The following SYT7 variants were observed in gnomAD, a reference collection of about 807,000 sequenced individuals.
The protein encoded by SYT7 is synaptotagmin 7, also known as synaptotagmin-7.
SYT7 carries 29 observed loss-of-function variants against 75.1 expected under a neutral mutation model. The observed-to-expected ratio is 0.39, with a 90% CI of 0.29 to 0.53. SYT7 has a LOEUF of 0.53. SYT7 is among the 20% of genes least tolerant of loss of function. The pLI, the probability that SYT7 is intolerant of heterozygous loss-of-function variation, is 0.77. For synonymous variants in SYT7, 376 were observed against 401.7 expected, an observed-to-expected ratio of 0.94 and a Z score of 0.76; for missense variants, 693 against 953.2, an observed-to-expected ratio of 0.73 and a Z score of 3.59.
intron 12 of SYT7, among the ~76,000 whole-genome samples, chr11:61,520,415 AC>A (rs1476469229): frequency 2.0e-5 from 3 of 152,022 alleles, no homozygotes; most frequent in Non-Finnish European, 4.4e-5. Context: ...AGTCCCAGCC[AC>A]TTGGGGACTG....
At chr11:61,586,705 C>A in the SYT7 span, among the ~76,000 whole-genome samples, 1 of 152,174 alleles carries the variant, frequency 6.6e-6, no homozygotes, top group Non-Finnish European at 1.5e-5. Context: ...CAGAAGCCTG[C>A]AAGACTGCTT....
rs2064239795 is a variant in SYT7, at chr11:61,580,766, C to A, written c.31+24G>T. 2 of 1,249,154 alleles carry A rather than the reference C, an allele frequency of 1.6e-6. No individual in the cohort carries two copies. Among genetic ancestry groups the A allele is most frequent in the African/African-American group, 1.6e-5 (1 of 63,774 alleles). 77.4% of individuals were successfully genotyped at this position (1,249,154 alleles called of 1,614,324 possible). On this transcript the variant is annotated intron_variant, in intron 1 of 12. Coordinates refer to ENST00000539008, the MANE Select transcript of SYT7 (RefSeq NM_001365809.2). This position sits in a 1 kb window ranked among gnomAD's most constrained non-coding sequence, Gnocchi z 6.1. ...GTCCTGCCCGCCGGTGCGGGGCGCC[C>A]CAGCCCGCCGGGGCCGCGCTTACCT...
At chr11:61,521,693 CCCCTTT>C (rs2062340114) in intron 12 of SYT7, among the ~76,000 whole-genome samples, 1 of 152,166 alleles carries the variant, frequency 6.6e-6, no homozygotes, top group Non-Finnish European at 1.5e-5. Flanking sequence ...GTATCCAGTC[CCCCTTT>C]CCCTTTCCCC....
chr11:61,565,691 T>C (rs535823274), intron 1 of SYT7, among the ~76,000 whole-genome samples: 1 of 152,352 alleles, frequency 6.6e-6, no homozygotes, highest in South Asian at 2.1e-4. Context: ...CTCCGGACAT[T>C]CTCTGAGTGT....
chr11:61,575,237 T>C (rs2064039056), intron 1 of SYT7, among the ~76,000 whole-genome samples: 1 of 152,108 alleles, frequency 6.6e-6, no homozygotes, highest in Non-Finnish European at 1.5e-5. Context: ...CAGTCAGCCA[T>C]GGAAGCCACC....
intron 9 of SYT7, 26 bp downstream of exon 9, chr11:61,527,889 G>T (rs1371309420): frequency 6.2e-7 from 1 of 1,610,230 alleles, no homozygotes; most frequent in African/African-American, 1.3e-5. Context: ...GGTGACCATG[G>T]CGGGGGAAGG....
intron 7 of SYT7, among the ~76,000 whole-genome samples, chr11:61,536,611 A>G (rs2135188585): frequency 6.6e-6 from 1 of 152,272 alleles, no homozygotes; most frequent in African/African-American, 2.4e-5. Context: ...ACCCCTGCAC[A>G]TGGGCTCAGC....
intron 1 of SYT7, among the ~76,000 whole-genome samples, chr11:61,571,918 G>C (rs985023298): frequency 3.3e-5 from 5 of 152,164 alleles, no homozygotes; most frequent in African/African-American, 9.7e-5. Context: ...TCCTGAGCAG[G>C]ACTGTGTTGC....
At chr11:61,531,659 C>T (rs961931100) in intron 8 of SYT7, among the ~76,000 whole-genome samples, 4 of 151,694 alleles carry the variant, frequency 2.6e-5, no homozygotes, top group African/African-American at 4.8e-5. Context: ...TTTGGGAGGC[C>T]GAGGCAGGTG....
intron 1 of SYT7, among the ~76,000 whole-genome samples, chr11:61,557,738 G>T (rs1040797912): frequency 6.6e-6 from 1 of 152,172 alleles, no homozygotes; most frequent in Non-Finnish European, 1.5e-5. Context: ...CAACCTCAGG[G>T]GCCACGGCAC....
intron 1 of SYT7, among the ~76,000 whole-genome samples, chr11:61,562,982 G>C (rs1275038192): frequency 6.6e-6 from 1 of 152,172 alleles, no homozygotes; most frequent in East Asian, 1.9e-4. Context: ...GCCCAGAGGG[G>C]AACGGGAGGG....
At chr11:61,539,379 G>C (rs757386200) in intron 6 of SYT7, 11 of 152,202 alleles carry the variant, frequency 7.2e-5, no homozygotes, top group East Asian at 1.9e-4. Flanking sequence ...ATTTGCCAGG[G>C]GGGGAGAAGG....
At chr11:61,540,853 G>T (rs571664102) in intron 6 of SYT7, 2 of 985,496 alleles carry the variant, frequency 2.0e-6, no homozygotes, top group East Asian at 2.3e-4. Context: ...CACAGCCTCT[G>T]TCCCAAAACA....
At chr11:61,525,314 C>T (rs1353375060) in intron 9 of SYT7, among the ~76,000 whole-genome samples, 5 of 152,178 alleles carry the variant, frequency 3.3e-5, no homozygotes, top group East Asian at 1.9e-4. Context: ...GAATAAAAGC[C>T]GGGCACCCTA....
intron 5 of SYT7, among the ~76,000 whole-genome samples, chr11:61,545,632 G>A (rs540609728): frequency 3.9e-5 from 6 of 152,358 alleles, no homozygotes; most frequent in Admixed American, 3.3e-4. Flanking sequence ...CAGGCTGAGA[G>A]TGGGCCAGAT....
chr11:61,537,312 C>T (rs1167519100), intron 7 of SYT7, among the ~76,000 whole-genome samples: 3 of 152,182 alleles, frequency 2.0e-5, no homozygotes, highest in Admixed American at 2.0e-4. Context: ...ACCTCCCACC[C>T]TACCCCTTGC....
At chr11:61,584,785 A>G (rs2064352041), upstream of SYT7, among the ~76,000 whole-genome samples, 1 of 152,216 alleles carries the variant, frequency 6.6e-6, no homozygotes, top group African/African-American at 2.4e-5. Flanking sequence ...GAAAAAGATC[A>G]GAGGCTGTGA....
chr11:61,546,148 T>A lies in SYT7; in HGVS notation c.455A>T (p.Asp152Val), dbSNP rs1472699480. The A allele has an allele frequency of 3.3e-6, 5 of 1,528,298 alleles. No individual in the cohort carries two copies. The highest frequency in any genetic ancestry group is 4.4e-6 in the Non-Finnish European group (5 of 1,143,718). The allele number at this position is 1,528,298 out of a possible 1,614,324, so 94.7% of individuals were successfully genotyped here. ...GGCAGCCCCGCCGCTTCTCAAGGCG[T>A]CCTCTCCGGGTGGCGGCACCGGTGC... ...KPAPVPPPGE[D>V]ALRSGGAAPS... Residue 152 changes from aspartate (D) to valine (V), a missense_variant, in exon 5 of 13, where the codon GAC becomes GTC. Around this residue, in one of 2 missense-constraint regions of SYT7, gnomAD observed 487 missense variants for 593.2 expected, o/e 0.82. Coordinates refer to ENST00000539008, the MANE Select transcript of SYT7 (RefSeq NM_001365809.2). This position sits in a 1 kb window ranked among gnomAD's most constrained non-coding sequence, Gnocchi z 7.6.
At chr11:61,519,479 A>C (rs1218110350) in intron 12 of SYT7, among the ~76,000 whole-genome samples, 2 of 152,262 alleles carry the variant, frequency 1.3e-5, no homozygotes, top group Non-Finnish European at 2.9e-5. Flanking sequence ...AGTATTCCTT[A>C]AGACCGTTAA....
Sources: allele counts gnomAD v4.1 joint callset (sites outside exome capture counted in the v4.1 genomes callset), GRCh38; gene constraint gnomAD v4.1.1; regional missense constraint gnomAD v4.1.1; non-coding constraint Gnocchi (gnomAD v3.1); transcripts MANE v1.5; gene names NCBI Gene and HGNC (gene_info 2026-07-23, HGNC 2026-07-21).